SEC14L6: variants seen among roughly 807,000 people sequenced by gnomAD.
The protein encoded by SEC14L6 is SEC14 like lipid binding 6.
A neutral mutation model predicts 54.1 loss-of-function variants in SEC14L6; 40 were observed. That is an observed-to-expected ratio of 0.74 (90% CI 0.57 to 0.96). The LOEUF is 0.96. SEC14L6 is among the 40% of genes least tolerant of loss of function. The probability of loss-of-function intolerance (pLI) is 0.00; values close to 1 mark genes in which losing one functional copy is unlikely to be tolerated. For synonymous variants in SEC14L6, 171 were observed against 198.4 expected (o/e 0.86, Z 1.16); for missense variants, 471 against 498.3 (o/e 0.95, Z 0.52).
chr22:30,538,613 G>A (rs1252700668), intron 2 of SEC14L6, among the ~76,000 whole-genome samples: 3 of 152,166 alleles, frequency 2.0e-5, no homozygotes, highest in African/African-American at 7.2e-5. Context: ...TCCCCGATGG[G>A]TATCTTGACT....
At chr22:30,528,282 C>T (rs1010983796) in intron 8 of SEC14L6, among the ~76,000 whole-genome samples, 3 of 151,532 alleles carry the variant, frequency 2.0e-5, no homozygotes, top group East Asian at 1.9e-4. Context: ...CCACCACGCC[C>T]GGCTAATTTT....
intron 1 of SEC14L6, chr22:30,544,309 C>G: frequency 2.4e-6 from 1 of 419,124 alleles, no homozygotes. Flanking sequence ...CGTTGCCAAA[C>G]CAGCCAGGGA....
chr22:30,539,390 C>T (rs1051056848), intron 1 of SEC14L6, among the ~76,000 whole-genome samples: 1 of 152,074 alleles, frequency 6.6e-6, no homozygotes, highest in Non-Finnish European at 1.5e-5. Context: ...AAAAAAAGAA[C>T]CTACTACACT....
chr22:30,543,430 T>A, intron 1 of SEC14L6: 1 of 1,609,682 alleles, frequency 6.2e-7, no homozygotes, highest in East Asian at 2.2e-5. Context: ...GTTGACCTGG[T>A]TGGAGAACGG....
intron 1 of SEC14L6, among the ~76,000 whole-genome samples, chr22:30,540,123 T>A (rs2085673072): frequency 6.6e-6 from 1 of 152,216 alleles, no homozygotes; most frequent in East Asian, 1.9e-4. Flanking sequence ...ATAACCTTTG[T>A]CTAAAGGAAT....
intron 1 of SEC14L6, among the ~76,000 whole-genome samples, chr22:30,541,872 G>A (rs1176618305): frequency 6.6e-6 from 1 of 152,088 alleles, no homozygotes; most frequent in Non-Finnish European, 1.5e-5. Flanking sequence ...CACTCTCATG[G>A]ACAAAAAACA....
chr22:30,543,449 CCCGG>C (rs1386370726), intron 1 of SEC14L6: 103 of 1,611,840 alleles, frequency 6.4e-5, no homozygotes, highest in Non-Finnish European at 8.7e-5. Flanking sequence ...GGCAATGTGT[CCCGG>C]ACAGAAACGG....
At chr22:30,528,877 C>G (rs1568964435) in intron 8 of SEC14L6, among the ~76,000 whole-genome samples, 1 of 152,102 alleles carries the variant, frequency 6.6e-6, no homozygotes, top group Non-Finnish European at 1.5e-5. Flanking sequence ...TCTACCCATG[C>G]TACCTCCAGG....
In SEC14L6 at chr22:30,525,462, C is replaced by T. The variant is rs767056090; in HGVS notation, c.969G>A (p.Lys323=). 3 of 1,614,216 alleles carry T rather than the reference C, an allele frequency of 1.9e-6. No homozygotes were observed. Among genetic ancestry groups the T allele is most frequent in the Non-Finnish European group, 2.5e-6 (3 of 1,180,030 alleles). Residue 323 remains lysine (K), a synonymous_variant, in exon 11 of 12, where the codon AAG becomes AAA. Coordinates refer to ENST00000402034, the MANE Select transcript of SEC14L6 (RefSeq NM_001193336.4). ...DIGFGVFLKT[K]MGERQRAREM... is the part of the protein sequence containing the mutation. Reference sequence around the variant, plus strand: ...CCCTAGCCCTCTGCCGCTCCCCCATCTTGGTCTTCAGGAAAACCCCAAAGC... The same window carrying T: ...CCCTAGCCCTCTGCCGCTCCCCCATTTTGGTCTTCAGGAAAACCCCAAAGC...
In SEC14L6 at chr22:30,524,870, T is replaced by C. The variant is rs1021096080; in HGVS notation, c.*127A>G. 1.0e-4 allele frequency: 65 copies of C among 649,650 alleles called. No homozygotes were observed. In the African/African-American group the frequency reaches 1.1e-3, roughly 11 times the overall value. The allele number at this position is 649,650 out of a possible 1,614,324, so 40.2% of individuals were successfully genotyped here. On this transcript the variant is annotated 3_prime_UTR_variant, in exon 12 of 12. Transcript: ENST00000402034. Reference sequence around the variant, plus strand: ...TGAGGAGTGGGCCAGCTGTGATGCATAGGCTGTGACCTGCTGTTGTAGAAT... The same window carrying C: ...TGAGGAGTGGGCCAGCTGTGATGCACAGGCTGTGACCTGCTGTTGTAGAAT...
intron 1 of SEC14L6, chr22:30,543,950 A>G (rs1277815571): frequency 1.2e-6 from 2 of 1,606,282 alleles, no homozygotes; most frequent in East Asian, 4.5e-5. Context: ...ACCAGCCTGC[A>G]GCCTGCGTCG....
intron 1 of SEC14L6, among the ~76,000 whole-genome samples, chr22:30,540,630 C>T (rs113388695): frequency 0.015 from 2,253 of 151,234 alleles, 52 homozygotes; most frequent in African/African-American, 0.05. Context: ...GTGGGAGAAT[C>T]GCTTGAACCC....
chr22:30,527,140 A>G (rs1367854609), intron 8 of SEC14L6, among the ~76,000 whole-genome samples: 1 of 151,428 alleles, frequency 6.6e-6, no homozygotes, highest in African/African-American at 2.4e-5. Flanking sequence ...TATATATCTC[A>G]AATATATACA....
intron 1 of SEC14L6, chr22:30,543,594 C>A: frequency 6.2e-7 from 1 of 1,613,634 alleles, no homozygotes; most frequent in Non-Finnish European, 8.5e-7. Flanking sequence ...CAGCGGTCAG[C>A]AAAAGCCATG....
chr22:30,534,803 T>G (rs985515778), intron 2 of SEC14L6, among the ~76,000 whole-genome samples: 1 of 152,094 alleles, frequency 6.6e-6, no homozygotes, highest in Non-Finnish European at 1.5e-5. Flanking sequence ...GGTGGGCAGA[T>G]CACCTGAGGT....
In SEC14L6 at chr22:30,546,694, AT is replaced by A. The variant is rs2085803304; in HGVS notation, c.-13del. ...ACTTGTCCACTCATGCTGCCCATGAATGGGTCCAGGCTCCACTCTGTGGCTC... is the reference window on the plus strand; with the variant it reads ...ACTTGTCCACTCATGCTGCCCATGAAGGGTCCAGGCTCCACTCTGTGGCTC... On this transcript the variant is annotated 5_prime_UTR_variant, in exon 1 of 12. Coordinates refer to ENST00000402034, the MANE Select transcript of SEC14L6 (RefSeq NM_001193336.4). The A allele has an allele frequency of 6.5e-7, 1 of 1,550,000 alleles. No homozygotes were observed. The highest frequency in any genetic ancestry group is 1.4e-5 in the African/African-American group (1 of 73,004).
At position 30,525,036 on chromosome 22, in the gene SEC14L6, G is replaced by A. The variant is rs749715526; in HGVS notation, c.1155C>T (p.Leu385=). Reference sequence around the variant, plus strand: ...TCTTCTCCATGAAGGTTTGGTCTGGGAGCAGTACCTCCACGGTGTAGCTGA... The same window carrying A: ...TCTTCTCCATGAAGGTTTGGTCTGGAAGCAGTACCTCCACGGTGTAGCTGA... ...KRISYTVEVL[L]PDQTFMEKME... is the part of the protein sequence containing the mutation. Residue 385 remains leucine, a synonymous_variant, in exon 12 of 12, where the codon CTC becomes CTT. Coordinates refer to ENST00000402034, the MANE Select transcript of SEC14L6 (RefSeq NM_001193336.4). 54 of 1,549,132 alleles carry A rather than the reference G, an allele frequency of 3.5e-5. No individual in the cohort carries two copies. Among genetic ancestry groups the A allele is most frequent in the African/African-American group, 3.4e-4 (25 of 72,996 alleles).
chr22:30,525,492 G>C lies in SEC14L6; in HGVS notation c.939C>G (p.Asp313Glu). 4 of 1,614,140 alleles carry C rather than the reference G, an allele frequency of 2.5e-6. No individual in the cohort carries two copies. Among genetic ancestry groups the C allele is most frequent in the Non-Finnish European group, 8.5e-7 (1 of 1,179,990 alleles). The change falls in exon 11 of 12, where the codon GAC becomes GAG. Residue 313 changes from aspartate to glutamate, a missense_variant. By Grantham distance (45) the Asp-to-Glu change is conservative. Transcript: ENST00000402034. Reference protein sequence around the residue: ...LRWQFASDGGDIGFGVFLKTK... With the variant: ...LRWQFASDGGEIGFGVFLKTK... ...TCTTCAGGAAAACCCCAAAGCCAAT[G>C]TCCCCACCATCTGAAGCAAACTGCC...
intron 1 of SEC14L6, among the ~76,000 whole-genome samples, chr22:30,546,230 A>C (rs1190884114): frequency 6.6e-6 from 1 of 151,876 alleles, no homozygotes. Flanking sequence ...CTAACATACA[A>C]AAATTAGCCA....
Sources: allele counts gnomAD v4.1 joint callset (sites outside exome capture counted in the v4.1 genomes callset), GRCh38; gene constraint gnomAD v4.1.1; transcripts MANE v1.5; gene names NCBI Gene and HGNC (gene_info 2026-07-23, HGNC 2026-07-21).